Variants in ZBBX observed in about 807,000 individuals in gnomAD.
ZBBX encodes the protein zinc finger B-box domain-containing protein 1.
A neutral mutation model predicts 108.5 loss-of-function variants in ZBBX; 101 were observed. That is an observed-to-expected ratio of 0.93 (90% CI 0.79 to 1.10). The LOEUF (loss-of-function observed/expected upper bound fraction) is 1.10, where lower values mean the gene tolerates loss of function less well. Ranked by LOEUF, ZBBX falls within the 50% of genes least tolerant of loss-of-function variation. The pLI is 0.00. For synonymous variants in ZBBX, 356 were observed against 323.4 expected, an observed-to-expected ratio of 1.10 and a Z score of -1.08; for missense variants, 1,009 against 941.4, an observed-to-expected ratio of 1.07 and a Z score of -0.94.
intron 20 of ZBBX, among the ~76,000 whole-genome samples, chr3:167,251,524 C>T (rs911415615): frequency 6.6e-6 from 1 of 152,134 alleles, no homozygotes; most frequent in African/African-American, 2.4e-5. Context: ...AGCCACACCC[C>T]CATCGCACGC....
At chr3:167,249,491 GCCT>G (rs1417115101) in intron 20 of ZBBX, among the ~76,000 whole-genome samples, 1 of 152,068 alleles carries the variant, frequency 6.6e-6, no homozygotes, top group Non-Finnish European at 1.5e-5. Context: ...CTTCCCACCT[GCCT>G]CCTCCTAAAA....
At chr3:167,179,368 A>G in the ZBBX span, among the ~76,000 whole-genome samples, 1 of 152,254 alleles carries the variant, frequency 6.6e-6, no homozygotes, top group African/African-American at 2.4e-5. Context: ...AGGCATTAGC[A>G]TGGGCTAAAT....
chr3:167,375,475 C>T (rs151304187), intron 2 of ZBBX, among the ~76,000 whole-genome samples: 86 of 152,054 alleles, frequency 5.7e-4, no homozygotes, highest in Admixed American at 2.4e-3. Context: ...ACTTGTAATC[C>T]CAACTACTTG....
the ZBBX span, among the ~76,000 whole-genome samples, chr3:167,219,427 A>G: frequency 6.6e-6 from 1 of 152,206 alleles, no homozygotes; most frequent in South Asian, 2.1e-4. Context: ...TATATCAAGT[A>G]TCTTCTCTAA....
At chr3:167,227,274 T>C in the ZBBX span, among the ~76,000 whole-genome samples, 13 of 151,864 alleles carry the variant, frequency 8.6e-5, no homozygotes, top group Non-Finnish European at 1.3e-4. Flanking sequence ...CTATTATAGA[T>C]GGTGTTTAGT....
At chr3:167,192,006 C>G in the ZBBX span, among the ~76,000 whole-genome samples, 1 of 147,216 alleles carries the variant, frequency 6.8e-6, no homozygotes, top group Non-Finnish European at 1.5e-5. Context: ...TTATCTCAAT[C>G]TCCCCATAGT....
the ZBBX span, among the ~76,000 whole-genome samples, chr3:167,213,633 T>A: frequency 6.6e-6 from 1 of 152,172 alleles, no homozygotes; most frequent in Non-Finnish European, 1.5e-5. Context: ...CAGGATATCA[T>A]CCATGAAAAC....
At chr3:167,217,635 G>A in the ZBBX span, among the ~76,000 whole-genome samples, 1 of 152,082 alleles carries the variant, frequency 6.6e-6, no homozygotes, top group Non-Finnish European at 1.5e-5. Flanking sequence ...GGAATATAAA[G>A]CATTATACCA....
intron 1 of ZBBX, among the ~76,000 whole-genome samples, chr3:167,390,679 G>A (rs1268622607): frequency 6.6e-6 from 1 of 151,992 alleles, no homozygotes; most frequent in East Asian, 1.9e-4. Context: ...GCAGTGGTTT[G>A]TAGTTTTCAT....
At chr3:167,272,629 T>C (rs1726734024) in intron 20 of ZBBX, among the ~76,000 whole-genome samples, 1 of 152,236 alleles carries the variant, frequency 6.6e-6, no homozygotes, top group African/African-American at 2.4e-5. Context: ...ACCACCTTGT[T>C]ATTAATTAAC....
chr3:167,178,529 T>TGGCTG, the ZBBX span, among the ~76,000 whole-genome samples: 1 of 152,148 alleles, frequency 6.6e-6, no homozygotes, highest in Non-Finnish European at 1.5e-5. Context: ...CTCCTCAGCA[T>TGGCTG]CAGTCTTGAC....
the ZBBX span, among the ~76,000 whole-genome samples, chr3:167,178,684 A>C: frequency 6.6e-6 from 1 of 152,104 alleles, no homozygotes; most frequent in Non-Finnish European, 1.5e-5. Context: ...CTCTACCCCA[A>C]GTTATTATTT....
chr3:167,209,675 C>G, the ZBBX span, among the ~76,000 whole-genome samples: 9 of 152,192 alleles, frequency 5.9e-5, no homozygotes, highest in African/African-American at 2.2e-4. Flanking sequence ...TGTCCAGACA[C>G]TGACGAACAT....
At chr3:167,364,997 C>A (rs73879687) in intron 6 of ZBBX, among the ~76,000 whole-genome samples, 2 of 151,632 alleles carry the variant, frequency 1.3e-5, no homozygotes, top group East Asian at 1.9e-4. Context: ...GTTTTCCTAC[C>A]CTTTTAATTC....
chr3:167,231,058 G>T, the ZBBX span, among the ~76,000 whole-genome samples: 2 of 151,722 alleles, frequency 1.3e-5, no homozygotes, highest in African/African-American at 2.4e-5. Flanking sequence ...TGAGCAATTA[G>T]GTAAATAGTG....
downstream of ZBBX, among the ~76,000 whole-genome samples, chr3:167,237,717 C>T (rs1720288496): frequency 1.3e-5 from 2 of 151,912 alleles, no homozygotes; most frequent in Non-Finnish European, 1.5e-5. Flanking sequence ...GTCTACGCTG[C>T]CACAGAGGAA....
the ZBBX span, among the ~76,000 whole-genome samples, chr3:167,229,842 A>T: frequency 6.6e-6 from 1 of 152,022 alleles, no homozygotes; most frequent in African/African-American, 2.4e-5. Context: ...TCAAGGAAAC[A>T]TATTTTAAAG....
At chr3:167,288,040 C>G (rs910295987) in intron 19 of ZBBX, among the ~76,000 whole-genome samples, 4 of 152,098 alleles carry the variant, frequency 2.6e-5, no homozygotes, top group Admixed American at 1.3e-4. Context: ...TCCTCCTAAA[C>G]TGTGAGCTCA....
chr3:167,209,359 C>A, the ZBBX span, among the ~76,000 whole-genome samples: 1 of 151,900 alleles, frequency 6.6e-6, no homozygotes, highest in African/African-American at 2.4e-5. Context: ...CTTGTGTCAC[C>A]CCCCTCCTCA....
Sources: gnomAD v4.1 joint callset for allele counts (sites outside exome capture counted in the v4.1 genomes callset) on GRCh38, gnomAD v4.1.1 for gene constraint, MANE v1.5 for transcripts, NCBI Gene and HGNC (gene_info 2026-07-23, HGNC 2026-07-21) for gene names.